Variants in PCDH15 observed in about 807,000 individuals in gnomAD.
The protein encoded by PCDH15 is protocadherin-15.
PCDH15 carries 129 observed loss-of-function variants against 178.5 expected under a neutral mutation model. That is an observed-to-expected ratio of 0.72 (90% CI 0.63 to 0.84). The LOEUF (loss-of-function observed/expected upper bound fraction) is 0.84. Ranked by LOEUF, PCDH15 falls within the 40% of genes least tolerant of loss-of-function variation. PCDH15 has a pLI of 0.00. For synonymous variants in PCDH15, 800 were observed against 732.0 expected (o/e 1.09, Z -1.50); for missense variants, 2,230 against 2,099.9 (o/e 1.06, Z -1.21).
chr10:54,112,977 C>T (rs1052076740), intron 15 of PCDH15, among the ~76,000 whole-genome samples: 1 of 152,096 alleles, frequency 6.6e-6, no homozygotes. Context: ...ATGATTTAAG[C>T]TTACTGGGGA....
chr10:54,177,005 G>C (rs574456956), intron 13 of PCDH15, among the ~76,000 whole-genome samples: 1 of 151,684 alleles, frequency 6.6e-6, no homozygotes, highest in African/African-American at 2.4e-5. Context: ...ATTAATAATG[G>C]CCAAAACTTG....
intron 6 of PCDH15, among the ~76,000 whole-genome samples, chr10:54,338,626 T>C (rs1941648072): frequency 1.3e-5 from 2 of 152,170 alleles, no homozygotes; most frequent in South Asian, 2.1e-4. Flanking sequence ...GAGGACTTGA[T>C]AAAAGATGTT....
rs559130985 is a variant in PCDH15, at chr10:53,827,437, A to AGGCGGCGGC, written c.4314_4322dup (p.Pro1441_Pro1443dup). Reference sequence around the variant, plus strand: ...CTTCATAGAGATGCGCACCTGGCGGAGGCGGCGGCGGCGGCGGGGGCGCTG... The same window carrying AGGCGGCGGC: ...CTTCATAGAGATGCGCACCTGGCGGAGGCGGCGGCGGCGGCGGCGGCGGCGGGGGCGCTG... On this transcript the variant is annotated inframe_insertion, in exon 32 of 38. Coordinates refer to ENST00000644397, the MANE Select transcript of PCDH15 (RefSeq NM_001384140.1). The AGGCGGCGGC allele has an allele frequency of 1.4e-5, 23 of 1,612,686 alleles. No individual in the cohort carries two copies. In the Admixed American group the frequency reaches 3.5e-4, roughly 25 times the overall value.
At chr10:54,107,671 C>T (rs2136217520) in intron 15 of PCDH15, among the ~76,000 whole-genome samples, 1 of 152,190 alleles carries the variant, frequency 6.6e-6, no homozygotes, top group African/African-American at 2.4e-5. Flanking sequence ...GGGACAGCAG[C>T]AGTGTAATTT....
intron 1 of PCDH15, among the ~76,000 whole-genome samples, chr10:54,670,461 T>A (rs2135496017): frequency 6.6e-6 from 1 of 152,200 alleles, no homozygotes; most frequent in South Asian, 2.1e-4. Flanking sequence ...GAACTTTAAA[T>A]AAAAGAGGGA....
intron 10 of PCDH15, among the ~76,000 whole-genome samples, chr10:54,199,383 A>T (rs1398430451): frequency 6.6e-6 from 1 of 152,088 alleles, no homozygotes; most frequent in Non-Finnish European, 1.5e-5. Context: ...ACATGGGCCC[A>T]GACTCAGGTC....
intron 8 of PCDH15, among the ~76,000 whole-genome samples, chr10:54,284,822 T>C (rs553606992): frequency 1.7e-3 from 259 of 151,986 alleles, no homozygotes; most frequent in African/African-American, 6.0e-3. Context: ...AAAGAGAGAG[T>C]AAAAAATTAA....
chr10:55,361,489 G>T (rs1176989710), intron 2 of PCDH15, among the ~76,000 whole-genome samples: 1 of 151,844 alleles, frequency 6.6e-6, no homozygotes, highest in Non-Finnish European at 1.5e-5. Context: ...TTTCTAACAT[G>T]ATTTTTCATT....
intron 21 of PCDH15, among the ~76,000 whole-genome samples, chr10:53,984,785 C>T (rs948546661): frequency 6.6e-6 from 1 of 152,104 alleles, no homozygotes; most frequent in African/African-American, 2.4e-5. Flanking sequence ...CTTTTTAATA[C>T]ATTTAAGGAG....
intron 2 of PCDH15, among the ~76,000 whole-genome samples, chr10:55,336,493 T>C (rs1844400680): frequency 1.3e-5 from 2 of 152,046 alleles, no homozygotes; most frequent in Admixed American, 1.3e-4. Flanking sequence ...CTAGACTCTG[T>C]GTCAAAATAA....
intron 29 of PCDH15, among the ~76,000 whole-genome samples, chr10:53,837,515 T>C (rs2077376265): frequency 6.6e-6 from 1 of 152,164 alleles, no homozygotes; most frequent in African/African-American, 2.4e-5. Flanking sequence ...TCAAAGTAAG[T>C]TCCCAGGACA....
intron 5 of PCDH15, among the ~76,000 whole-genome samples, chr10:54,364,112 T>C (rs1472624426): frequency 6.6e-6 from 1 of 151,536 alleles, no homozygotes; most frequent in Non-Finnish European, 1.5e-5. Flanking sequence ...CTCGGGAGGC[T>C]GAGGCAGGAG....
chr10:55,624,167 T>A (rs1022572778), intron 2 of PCDH15, among the ~76,000 whole-genome samples: 1 of 151,996 alleles, frequency 6.6e-6, no homozygotes, highest in Non-Finnish European at 1.5e-5. Context: ...TGATTTGTGG[T>A]TAATATGAAG....
intron 2 of PCDH15, among the ~76,000 whole-genome samples, chr10:54,645,860 T>A (rs2135080964): frequency 6.6e-6 from 1 of 152,304 alleles, no homozygotes; most frequent in East Asian, 1.9e-4. Context: ...ACTACACAAT[T>A]TTCTTGCATA....
At chr10:54,750,749 T>A (rs1179766128) in intron 1 of PCDH15, among the ~76,000 whole-genome samples, 1 of 152,122 alleles carries the variant, frequency 6.6e-6, no homozygotes, top group African/African-American at 2.4e-5. Flanking sequence ...AAGTTTATAT[T>A]TGTTTCACAG....
chr10:53,967,433 T>C (rs2089157294), intron 21 of PCDH15, among the ~76,000 whole-genome samples: 1 of 152,200 alleles, frequency 6.6e-6, no homozygotes, highest in Non-Finnish European at 1.5e-5. Flanking sequence ...CATGCTGAAC[T>C]AATTATTTTT....
intron 1 of PCDH15, among the ~76,000 whole-genome samples, chr10:54,686,111 C>T (rs527676423): frequency 7.1e-6 from 1 of 140,018 alleles, no homozygotes; most frequent in East Asian, 2.1e-4. Flanking sequence ...TAGTCTTGTA[C>T]TCCTGACCTC....
intron 3 of PCDH15, among the ~76,000 whole-genome samples, chr10:54,408,618 T>G (rs903861169): frequency 6.6e-6 from 1 of 152,164 alleles, no homozygotes; most frequent in South Asian, 2.1e-4. Flanking sequence ...ACTACCTCCT[T>G]TGCACATGTT....
chr10:54,427,721 T>G (rs1956462823), intron 3 of PCDH15, among the ~76,000 whole-genome samples: 3 of 152,240 alleles, frequency 2.0e-5, no homozygotes, highest in Non-Finnish European at 4.4e-5. Flanking sequence ...GGTATTAATG[T>G]GTTTTAGTTT....
Sources: allele counts gnomAD v4.1 joint callset (sites outside exome capture counted in the v4.1 genomes callset), GRCh38; gene constraint gnomAD v4.1.1; transcripts MANE v1.5; gene names NCBI Gene and HGNC (gene_info 2026-07-23, HGNC 2026-07-21).